The following RNF150 variants were observed in gnomAD, a reference collection of about 807,000 sequenced individuals.
RNF150 encodes the protein ring finger protein 150.
A neutral mutation model predicts 39.3 loss-of-function variants in RNF150; 24 were observed. The observed-to-expected ratio is 0.61, with a 90% CI of 0.44 to 0.86. RNF150 has a LOEUF of 0.86. RNF150 is among the 40% of genes least tolerant of loss of function. The pLI, the probability that RNF150 is intolerant of heterozygous loss-of-function variation, is 0.00. For missense variants in RNF150, 502 were observed against 587.8 expected, an observed-to-expected ratio of 0.85 and a Z score of 1.51; for synonymous variants, 255 against 227.3, an observed-to-expected ratio of 1.12 and a Z score of -1.10.
chr4:141,178,360 A>G (rs945264645), intron 1 of RNF150, among the ~76,000 whole-genome samples: 8 of 152,266 alleles, frequency 5.3e-5, no homozygotes, highest in African/African-American at 1.9e-4. Flanking sequence ...GTCTTTTTAC[A>G]TGCCTTGTGA....
At chr4:141,061,329 T>C (rs1341825547) in intron 1 of RNF150, among the ~76,000 whole-genome samples, 2 of 152,152 alleles carry the variant, frequency 1.3e-5, no homozygotes, top group Non-Finnish European at 2.9e-5. Flanking sequence ...AGAAAGCAAT[T>C]CTGAGCTATT....
At chr4:141,122,825 T>A (rs1253081901) in intron 1 of RNF150, among the ~76,000 whole-genome samples, 1 of 152,258 alleles carries the variant, frequency 6.6e-6, no homozygotes, top group Non-Finnish European at 1.5e-5. Flanking sequence ...ATGTTCTATA[T>A]TTTCAAATGT....
intron 1 of RNF150, among the ~76,000 whole-genome samples, chr4:141,034,657 G>A (rs185271166): frequency 5.3e-5 from 8 of 152,178 alleles, no homozygotes; most frequent in African/African-American, 1.2e-4. Flanking sequence ...TAGAGGCCAC[G>A]GTAGGGTTAT....
At chr4:141,107,447 T>G (rs980571182) in intron 1 of RNF150, among the ~76,000 whole-genome samples, 14 of 152,220 alleles carry the variant, frequency 9.2e-5, no homozygotes, top group African/African-American at 3.4e-4. Flanking sequence ...AAAGCTATTA[T>G]GAGGCCAAGC....
intron 1 of RNF150, among the ~76,000 whole-genome samples, chr4:141,050,071 T>C (rs1224498336): frequency 6.6e-6 from 1 of 151,986 alleles, no homozygotes; most frequent in African/African-American, 2.4e-5. Flanking sequence ...GAAATATTTA[T>C]AAAATAGCAA....
At position 140,957,428 on chromosome 4, in the gene RNF150, T is replaced by C. The variant is rs1209670657; in HGVS notation, c.736-8056A>G. 2.6e-5 allele frequency among the ~76,000 whole-genome samples: 4 copies of C among 152,126 alleles called. No individual in the cohort carries two copies. In the East Asian group the frequency reaches 7.8e-4, roughly 30 times the overall value. On this transcript the variant is annotated intron_variant, in intron 2 of 6. Transcript: ENST00000515673. ...AGGTGCTGGAGAGGATGTGGAGAAATAGGAACACTTCTACACTGTTGGTGG... is the reference window on the plus strand; with the variant it reads ...AGGTGCTGGAGAGGATGTGGAGAAACAGGAACACTTCTACACTGTTGGTGG...
intron 1 of RNF150, among the ~76,000 whole-genome samples, chr4:141,102,062 G>T (rs1340038693): frequency 6.6e-6 from 1 of 152,090 alleles, no homozygotes; most frequent in East Asian, 1.9e-4. Flanking sequence ...GATTACAGGT[G>T]TCAGCCACTG....
At chr4:140,997,569 A>G (rs556901221) in intron 1 of RNF150, among the ~76,000 whole-genome samples, 7 of 151,508 alleles carry the variant, frequency 4.6e-5, no homozygotes, top group Non-Finnish European at 1.0e-4. Flanking sequence ...ACAAAGCTCT[A>G]CGAATATTCT....
intron 1 of RNF150, among the ~76,000 whole-genome samples, chr4:141,120,717 T>G (rs952629956): frequency 8.2e-4 from 125 of 151,872 alleles, no homozygotes; most frequent in African/African-American, 2.9e-3. Context: ...AAGTAGTAAG[T>G]GAGGGAAGTG....
intron 1 of RNF150, among the ~76,000 whole-genome samples, chr4:141,131,554 A>C (rs547395615): frequency 1.3e-5 from 2 of 152,224 alleles, no homozygotes; most frequent in Non-Finnish European, 2.9e-5. Flanking sequence ...ATGCATTTCT[A>C]GTCCTGGTAC....
intron 6 of RNF150, among the ~76,000 whole-genome samples, chr4:140,884,047 G>T (rs1461995604): frequency 1.3e-5 from 2 of 151,432 alleles, no homozygotes; most frequent in Non-Finnish European, 2.9e-5. Context: ...TCTTCCTTCT[G>T]TTTAATCAAG....
At chr4:140,911,417 T>C (rs951378715) in intron 5 of RNF150, 63 bp from the exon 6 acceptor site, 32 of 1,356,970 alleles carry the variant, frequency 2.4e-5, no homozygotes, top group Middle Eastern at 2.1e-4. Flanking sequence ...TAAATGTCTA[T>C]AGCCTAAACA....
rs1728781607 is a variant in RNF150, at chr4:140,868,047, C to T, written c.*214G>A. 8.1e-6 allele frequency: 4 copies of T among 491,386 alleles called. No homozygotes were observed. The highest frequency in any genetic ancestry group is 3.3e-5 in the East Asian group (1 of 30,418). The allele number at this position is 491,386 out of a possible 1,614,324, so 30.4% of individuals were successfully genotyped here. A position where few individuals can be genotyped will look rare whatever the true frequency, so the allele number is the denominator to read the frequency against. On this transcript the variant is annotated 3_prime_UTR_variant, in exon 7 of 7. Coordinates refer to ENST00000515673, the MANE Select transcript of RNF150 (RefSeq NM_020724.2). ...GAGTGGAAATCAGCTTTCAACTTCC[C>T]AGCTGCCAAGGCCACAGACTGCCAT...
intron 1 of RNF150, among the ~76,000 whole-genome samples, chr4:141,027,920 TTTTTTG>T (rs1735772541): frequency 1.6e-4 from 9 of 58,052 alleles, no homozygotes; most frequent in African/African-American, 2.1e-4. Context: ...TTGTTTTTTT[TTTTTTG>T]TTTTTTTTTT....
At chr4:141,053,057 A>T (rs532575796) in intron 1 of RNF150, among the ~76,000 whole-genome samples, 36 of 152,284 alleles carry the variant, frequency 2.4e-4, no homozygotes, top group African/African-American at 8.4e-4. Flanking sequence ...TGTGGGTAGG[A>T]ATAAATTAAA....
chr4:141,186,951 G>A (rs1728023740), intron 1 of RNF150, among the ~76,000 whole-genome samples: 1 of 152,134 alleles, frequency 6.6e-6, no homozygotes, highest in Non-Finnish European at 1.5e-5. Flanking sequence ...ATGTTAGGGT[G>A]TCGATTATAG....
chr4:141,205,922 G>T (rs1578796526), intron 1 of RNF150, among the ~76,000 whole-genome samples: 1 of 152,116 alleles, frequency 6.6e-6, no homozygotes, highest in African/African-American at 2.4e-5. Context: ...CTTGATAAGG[G>T]GCAAAGTGGA....
At chr4:141,127,642 C>T (rs1386481072) in intron 1 of RNF150, among the ~76,000 whole-genome samples, 2 of 152,138 alleles carry the variant, frequency 1.3e-5, no homozygotes, top group Non-Finnish European at 2.9e-5. Context: ...CACAGATATA[C>T]TCCATCCTAG....
intron 1 of RNF150, among the ~76,000 whole-genome samples, chr4:141,020,234 T>G (rs1578638823): frequency 6.6e-6 from 1 of 152,170 alleles, no homozygotes; most frequent in East Asian, 1.9e-4. Context: ...GTCTGGTCAG[T>G]GGAAATATTA....
Sources: gnomAD v4.1 joint callset for allele counts (sites outside exome capture counted in the v4.1 genomes callset) on GRCh38, gnomAD v4.1.1 for gene constraint, MANE v1.5 for transcripts, NCBI Gene and HGNC (gene_info 2026-07-23, HGNC 2026-07-21) for gene names.